CHST11: variants seen among roughly 807,000 people sequenced by gnomAD.
CHST11 encodes the protein C4S-1.
Under a neutral mutation model 30.4 loss-of-function variants are expected in CHST11, and 9 were observed. The ratio of observed to expected loss-of-function variants is 0.30; its 90% CI spans 0.18 to 0.52. The LOEUF is 0.52. CHST11 is among the 20% of genes least tolerant of loss of function. CHST11 has a pLI of 0.97. For synonymous variants in CHST11, 152 were observed against 187.8 expected (o/e 0.81, Z 1.56); for missense variants, 348 against 460.6 (o/e 0.76, Z 2.24).
At chr12:104,526,633 A>G (rs903424327) in intron 1 of CHST11, among the ~76,000 whole-genome samples, 1 of 151,960 alleles carries the variant, frequency 6.6e-6, no homozygotes, top group African/African-American at 2.4e-5. Context: ...CAGTTCTTCC[A>G]CTCTGAAGAG....
chr12:104,733,147 G>A (rs942564084), intron 2 of CHST11, among the ~76,000 whole-genome samples: 1 of 152,220 alleles, frequency 6.6e-6, no homozygotes, highest in Non-Finnish European at 1.5e-5. Context: ...CCACAATGCT[G>A]TTCTGCCACC....
intron 1 of CHST11, among the ~76,000 whole-genome samples, chr12:104,526,726 CTTCTGGGGG>C (rs1026537383): frequency 9.2e-5 from 14 of 152,184 alleles, no homozygotes; most frequent in African/African-American, 3.4e-4. Flanking sequence ...AAATGTTTAG[CTTCTGGGGG>C]TTCCGAGAAC....
chr12:104,627,312 G>A (rs556949975), intron 2 of CHST11, among the ~76,000 whole-genome samples: 76 of 152,244 alleles, frequency 5.0e-4, no homozygotes, highest in African/African-American at 1.8e-3. Context: ...CCATGCGCAG[G>A]TTTTTTGTGT....
chr12:104,476,487 T>C (rs549477732), intron 1 of CHST11, among the ~76,000 whole-genome samples: 2 of 152,284 alleles, frequency 1.3e-5, no homozygotes, highest in South Asian at 2.1e-4. Context: ...CACTGTAATA[T>C]TCCATCAGAT....
At chr12:104,617,298 T>C (rs1331453991) in intron 2 of CHST11, among the ~76,000 whole-genome samples, 1 of 152,112 alleles carries the variant, frequency 6.6e-6, no homozygotes, top group Non-Finnish European at 1.5e-5. Flanking sequence ...GTTCTCTTCA[T>C]AGATTGGGTT....
At chr12:104,652,392 C>G (rs903818428) in intron 2 of CHST11, among the ~76,000 whole-genome samples, 1 of 151,830 alleles carries the variant, frequency 6.6e-6, no homozygotes, top group Non-Finnish European at 1.5e-5. Context: ...AGGCCGTGTC[C>G]CAGGTCCTGA....
At chr12:104,565,254 T>C (rs1482322097) in intron 1 of CHST11, among the ~76,000 whole-genome samples, 3 of 144,016 alleles carry the variant, frequency 2.1e-5, no homozygotes, top group Admixed American at 7.4e-5. Context: ...CCATGTTTTC[T>C]AGGATTTTTT....
In CHST11 at chr12:104,534,850, T is replaced by G. The variant is rs1322315084; in HGVS notation, c.119-67056T>G. ...CAGAATGTAAGGGCTAGAAATCTTT[T>G]TATTTCATCTTATTAAGAAGCTCAA... On this transcript the variant is annotated intron_variant, in intron 1 of 2. Transcript: ENST00000303694. Among the ~76,000 whole-genome samples, 3 of 152,256 alleles carry G rather than the reference T, an allele frequency of 2.0e-5. No individual in the cohort carries two copies. The East Asian group carries it at 5.8e-4, about 29-fold the overall frequency.
At position 104,757,084 on chromosome 12, in the gene CHST11, G is replaced by A; in HGVS notation, c.340G>A (p.Glu114Lys). ...PNDLKHLVVD[E>K]DHELIYCYVP... ...CGACCTGAAGCACTTGGTGGTGGAT[G>A]AGGACCACGAGCTCATCTACTGCTA... Residue 114 changes from glutamate to lysine, a missense_variant, in exon 3 of 3, where the codon GAG becomes AAG. By Grantham distance (56) the Glu-to-Lys change is moderately conservative. Transcript: ENST00000303694. This position sits in a 1 kb window ranked among gnomAD's most constrained non-coding sequence, Gnocchi z 6.5. 1 of 1,614,118 alleles carries A rather than the reference G, an allele frequency of 6.2e-7. No homozygotes were observed. The highest frequency in any genetic ancestry group is 8.5e-7 in the Non-Finnish European group (1 of 1,180,026).
rs1363446192 is a variant in CHST11 at position 104,523,136 on chromosome 12, G to A, written c.118+65607G>A. On this transcript the variant is annotated intron_variant, in intron 1 of 2. Coordinates refer to ENST00000303694, the MANE Select transcript of CHST11 (RefSeq NM_018413.6). ...GATTATATCTGTTCAGGCCACCATA[G>A]GGTTTGCCTTCAGATGCAGAAACTT... is the stretch of plus-strand genomic sequence containing the variant. Among the ~76,000 whole-genome samples, 7 of 152,228 alleles carry A rather than the reference G, an allele frequency of 4.6e-5. No homozygotes were observed. In the East Asian group the frequency reaches 1.2e-3, roughly 25 times the overall value.
intron 2 of CHST11, among the ~76,000 whole-genome samples, chr12:104,693,301 A>G (rs1442903059): frequency 6.6e-6 from 1 of 152,268 alleles, no homozygotes; most frequent in Non-Finnish European, 1.5e-5. Context: ...CAACACGCCC[A>G]GTGTGACACC....
chr12:104,632,727 G>A (rs190378212), intron 2 of CHST11, among the ~76,000 whole-genome samples: 15 of 152,330 alleles, frequency 9.8e-5, no homozygotes, highest in East Asian at 9.6e-4. Context: ...CCCTGGGTCC[G>A]TCAGTACTGC....
intron 2 of CHST11, among the ~76,000 whole-genome samples, chr12:104,660,419 G>A (rs909005585): frequency 2.0e-5 from 3 of 152,206 alleles, no homozygotes; most frequent in East Asian, 1.9e-4. Context: ...CAGAGCCACC[G>A]TCTTGCTCTT....
chr12:104,656,968 G>A (rs2039549985), intron 2 of CHST11, among the ~76,000 whole-genome samples: 1 of 151,942 alleles, frequency 6.6e-6, no homozygotes, highest in Admixed American at 6.6e-5. Flanking sequence ...GGCACAGCAT[G>A]CTGGGAAAGA....
intron 2 of CHST11, among the ~76,000 whole-genome samples, chr12:104,605,198 A>G (rs2136049394): frequency 6.6e-6 from 1 of 152,112 alleles, no homozygotes; most frequent in East Asian, 1.9e-4. Context: ...TTCACTGGAC[A>G]AAGGGTTGGG....
At chr12:104,636,036 A>G (rs144657573) in intron 2 of CHST11, among the ~76,000 whole-genome samples, 1 of 152,346 alleles carries the variant, frequency 6.6e-6, no homozygotes, top group Non-Finnish European at 1.5e-5. Context: ...ATTATGTACT[A>G]TAAGCTTGCC....
intron 1 of CHST11, among the ~76,000 whole-genome samples, chr12:104,461,555 C>G (rs1396858783): frequency 6.6e-6 from 1 of 152,222 alleles, no homozygotes; most frequent in Non-Finnish European, 1.5e-5. Context: ...CTCTTCAGAA[C>G]CTTCCTTTTG....
intron 1 of CHST11, among the ~76,000 whole-genome samples, chr12:104,500,543 C>G (rs61939973): frequency 3.0e-5 from 3 of 99,668 alleles, no homozygotes; most frequent in African/African-American, 1.3e-4. Context: ...TTTGGTATTT[C>G]TCTGTGAAAT....
At chr12:104,576,172 T>G (rs2038681964) in intron 1 of CHST11, among the ~76,000 whole-genome samples, 1 of 152,126 alleles carries the variant, frequency 6.6e-6, no homozygotes, top group Non-Finnish European at 1.5e-5. Context: ...GAGCTTTTCT[T>G]GCCTTAGCCT....
Sources: gnomAD v4.1 joint callset for allele counts (sites outside exome capture counted in the v4.1 genomes callset) on GRCh38, gnomAD v4.1.1 for gene constraint, Gnocchi (gnomAD v3.1) non-coding constraint, MANE v1.5 for transcripts, NCBI Gene and HGNC (gene_info 2026-07-23, HGNC 2026-07-21) for gene names.